PRKAG2: variants seen among roughly 807,000 people sequenced by gnomAD.
PRKAG2 encodes the protein protein kinase AMP-activated non-catalytic subunit gamma 2.
A neutral mutation model predicts 69.6 loss-of-function variants in PRKAG2; 26 were observed. That is an observed-to-expected ratio of 0.37 (90% CI 0.27 to 0.52). The LOEUF (loss-of-function observed/expected upper bound fraction) is 0.52. Among genes scored for constraint, PRKAG2 ranks in the 20% least tolerant of loss-of-function variants. PRKAG2 has a pLI of 0.90. For synonymous variants in PRKAG2, 293 were observed against 285.0 expected (o/e 1.03, Z -0.28); for missense variants, 557 against 740.0 (o/e 0.75, Z 2.87).
In PRKAG2 at chr7:151,608,623, C is replaced by T. The variant is rs186576315; in HGVS notation, c.755-13169G>A. Among the ~76,000 whole-genome samples the T allele has an allele frequency of 5.3e-5, 8 of 152,122 alleles. No individual in the cohort carries two copies. The East Asian group carries it at 7.7e-4, about 15-fold the overall frequency. On this transcript the variant is annotated intron_variant, in intron 5 of 15. Coordinates refer to ENST00000287878, the MANE Select transcript of PRKAG2 (RefSeq NM_016203.4). ...AGATCAAATTTGAGAGGGGCAAGTA[C>T]GGATCTGAGATGACTATATTGTGTT...
intron 3 of PRKAG2, among the ~76,000 whole-genome samples, chr7:151,676,045 T>C (rs1340057582): frequency 6.6e-6 from 1 of 152,100 alleles, no homozygotes; most frequent in African/African-American, 2.4e-5. Context: ...TGGTGAACTT[T>C]TACACACACC....
At chr7:151,586,228 G>A (rs949510089) in intron 6 of PRKAG2, among the ~76,000 whole-genome samples, 4 of 152,188 alleles carry the variant, frequency 2.6e-5, no homozygotes, top group African/African-American at 9.7e-5. Flanking sequence ...CTGGGACCTC[G>A]TGCCAGGCTC....
intron 4 of PRKAG2, among the ~76,000 whole-genome samples, chr7:151,668,398 A>C (rs562878265): frequency 6.6e-6 from 1 of 152,358 alleles, no homozygotes; most frequent in African/African-American, 2.4e-5. Context: ...TAAACAGACA[A>C]GACTCAAATC....
intron 5 of PRKAG2, 192 bp downstream of exon 5, chr7:151,631,877 C>T: frequency 3.9e-6 from 2 of 515,622 alleles, no homozygotes; most frequent in Non-Finnish European, 3.3e-6. Flanking sequence ...CGCGGACGCC[C>T]GGTACCCCGC....
intron 3 of PRKAG2, among the ~76,000 whole-genome samples, chr7:151,727,610 C>A (rs1798205028): frequency 6.6e-6 from 1 of 152,174 alleles, no homozygotes; most frequent in Admixed American, 6.5e-5. Context: ...TCCTCAGGGT[C>A]ACTGGCCACA....
At chr7:151,742,231 T>C (rs201044901) in intron 3 of PRKAG2, among the ~76,000 whole-genome samples, 29 of 80,736 alleles carry the variant, frequency 3.6e-4, no homozygotes, top group Admixed American at 6.7e-4. Flanking sequence ...CTGAATCCCA[T>C]AGGACTCCAG....
At chr7:151,806,783 T>A (rs1031885174) in intron 1 of PRKAG2, 3 of 344,710 alleles carry the variant, frequency 8.7e-6, no homozygotes, top group Non-Finnish European at 1.7e-5. Flanking sequence ...CTGGGCAACA[T>A]GGCAAAACCC....
At chr7:151,631,809 C>G in intron 5 of PRKAG2, 1 of 493,546 alleles carries the variant, frequency 2.0e-6, no homozygotes, top group African/African-American at 2.0e-5. Context: ...AAGGGCCGCC[C>G]GTCCGTGTGG....
intron 10 of PRKAG2, among the ~76,000 whole-genome samples, chr7:151,569,418 A>G (rs1807035166): frequency 6.6e-6 from 1 of 152,210 alleles, no homozygotes; most frequent in African/African-American, 2.4e-5. Flanking sequence ...AAGCAAACAG[A>G]TACATCGTAT....
At chr7:151,714,211 C>A (rs1166297420) in intron 3 of PRKAG2, among the ~76,000 whole-genome samples, 1 of 152,176 alleles carries the variant, frequency 6.6e-6, no homozygotes, top group Non-Finnish European at 1.5e-5. Flanking sequence ...AGAGTCAGCG[C>A]TCATTAAACA....
chr7:151,859,390 A>T (rs1041987966), intron 1 of PRKAG2, among the ~76,000 whole-genome samples: 1 of 152,218 alleles, frequency 6.6e-6, no homozygotes. Context: ...TGCGACTGCC[A>T]GCCCCGTGGA....
intron 3 of PRKAG2, among the ~76,000 whole-genome samples, chr7:151,765,004 G>C (rs1180902104): frequency 6.6e-6 from 1 of 152,238 alleles, no homozygotes; most frequent in Non-Finnish European, 1.5e-5. Flanking sequence ...TCTGGCTGCT[G>C]TCTATGGCCA....
chr7:151,761,434 G>A (rs2075406266), intron 3 of PRKAG2, among the ~76,000 whole-genome samples: 1 of 152,092 alleles, frequency 6.6e-6, no homozygotes, highest in Admixed American at 6.5e-5. Context: ...CCAGACTTCT[G>A]CATTTCTGGC....
intron 3 of PRKAG2, among the ~76,000 whole-genome samples, chr7:151,691,786 A>G (rs1160275243): frequency 6.6e-6 from 1 of 152,214 alleles, no homozygotes; most frequent in Non-Finnish European, 1.5e-5. Flanking sequence ...ACATACATTT[A>G]CCATACAACC....
intron 4 of PRKAG2, among the ~76,000 whole-genome samples, chr7:151,673,423 C>T (rs894674050): frequency 1.3e-5 from 2 of 152,094 alleles, no homozygotes; most frequent in African/African-American, 2.4e-5. Flanking sequence ...AGCGGTTTTC[C>T]GTTTCTCCCT....
At chr7:151,624,856 T>C (rs1228583204) in intron 5 of PRKAG2, among the ~76,000 whole-genome samples, 1 of 152,222 alleles carries the variant, frequency 6.6e-6, no homozygotes, top group African/African-American at 2.4e-5. Flanking sequence ...CTCTCATTTC[T>C]CCAATGCCTC....
At chr7:151,763,772 T>A (rs2075570371) in intron 3 of PRKAG2, among the ~76,000 whole-genome samples, 1 of 152,204 alleles carries the variant, frequency 6.6e-6, no homozygotes, top group Non-Finnish European at 1.5e-5. Context: ...GCTGTCTGTC[T>A]CCAGATGCCG....
intron 5 of PRKAG2, among the ~76,000 whole-genome samples, chr7:151,625,600 T>A (rs968700129): frequency 6.6e-6 from 1 of 151,918 alleles, no homozygotes; most frequent in East Asian, 1.9e-4. Flanking sequence ...GCTGGAACGG[T>A]CCATAGGAAG....
intron 2 of PRKAG2, among the ~76,000 whole-genome samples, chr7:151,785,838 G>A (rs191534848): frequency 2.6e-3 from 394 of 152,080 alleles, no homozygotes; most frequent in African/African-American, 8.8e-3. Flanking sequence ...TGATGCTGTG[G>A]CTCCCTCTCC....
Sources: gnomAD v4.1 joint callset for allele counts (sites outside exome capture counted in the v4.1 genomes callset) on GRCh38, gnomAD v4.1.1 for gene constraint, MANE v1.5 for transcripts, NCBI Gene and HGNC (gene_info 2026-07-23, HGNC 2026-07-21) for gene names.